DPH6: variants seen among roughly 807,000 people sequenced by gnomAD.
DPH6 encodes the protein diphthamine biosynthesis 6.
In DPH6, 33 loss-of-function variants were observed where a neutral mutation model predicts 38.2. The observed-to-expected ratio is 0.86, with a 90% CI of 0.65 to 1.15. The LOEUF (loss-of-function observed/expected upper bound fraction) is 1.15. Among genes scored for constraint, DPH6 ranks in the 50% most tolerant of loss-of-function variants. The pLI, the probability that DPH6 is intolerant of heterozygous loss-of-function variation, is 0.00. For missense variants in DPH6, 325 were observed against 320.0 expected (o/e 1.02, Z -0.12); for synonymous variants, 108 against 103.0 (o/e 1.05, Z -0.30).
intron 3 of DPH6, among the ~76,000 whole-genome samples, chr15:35,272,724 C>G (rs1214056274): frequency 6.6e-6 from 1 of 152,048 alleles, no homozygotes; most frequent in Admixed American, 6.6e-5. Context: ...GCCTGGCCAA[C>G]ATGGTGAAAC....
intron 3 of DPH6, among the ~76,000 whole-genome samples, chr15:35,277,770 C>T (rs776723154): frequency 1.3e-5 from 2 of 152,142 alleles, no homozygotes; most frequent in Non-Finnish European, 2.9e-5. Flanking sequence ...AAGAACTTGG[C>T]TGCATTGTGT....
At chr15:35,532,266 T>A (rs1390216296) in intron 3 of DPH6, among the ~76,000 whole-genome samples, 1 of 152,194 alleles carries the variant, frequency 6.6e-6, no homozygotes, top group Non-Finnish European at 1.5e-5. Context: ...ATCTTAATCA[T>A]GGGTCATTTA....
At chr15:35,503,853 A>G (rs1301451550) in intron 3 of DPH6, among the ~76,000 whole-genome samples, 1 of 152,116 alleles carries the variant, frequency 6.6e-6, no homozygotes, top group Non-Finnish European at 1.5e-5. Context: ...TAACTTGTCC[A>G]AAGTTACAAA....
chr15:35,391,871 C>A (rs1199746525), intron 6 of DPH6, among the ~76,000 whole-genome samples: 1 of 152,204 alleles, frequency 6.6e-6, no homozygotes, highest in African/African-American at 2.4e-5. Flanking sequence ...TCCGGCACTC[C>A]TCAGTGAGAG....
intron 5 of DPH6, among the ~76,000 whole-genome samples, chr15:35,432,242 G>T (rs1406032444): frequency 6.6e-6 from 1 of 152,156 alleles, no homozygotes; most frequent in Non-Finnish European, 1.5e-5. Context: ...TTTAAAATGG[G>T]TAAAAATGTG....
In DPH6 at chr15:35,460,846, G is replaced by A. The variant is rs538813971; in HGVS notation, c.313-6026C>T. 1.0e-3 allele frequency among the ~76,000 whole-genome samples: 141 copies of A among 135,324 alleles called. 1 individual carries two copies. The highest frequency in any genetic ancestry group is 3.8e-3 in the Admixed American group (44 of 11,576). The allele number at this position is 135,324 out of a possible 152,430, so 88.8% of individuals were successfully genotyped here. A position where few individuals can be genotyped will look rare whatever the true frequency, so the allele number is the denominator to read the frequency against. On this transcript the variant is annotated intron_variant, in intron 3 of 8. Coordinates refer to ENST00000256538, the MANE Select transcript of DPH6 (RefSeq NM_080650.4). ...TCCAGGCAGCTGTCTGACCTATGTCGACAATTTTAACAATAGAGACGGCAC... is the reference window on the plus strand; with the variant it reads ...TCCAGGCAGCTGTCTGACCTATGTCAACAATTTTAACAATAGAGACGGCAC...
At chr15:35,500,287 C>T (rs541564150) in intron 3 of DPH6, among the ~76,000 whole-genome samples, 10 of 152,176 alleles carry the variant, frequency 6.6e-5, no homozygotes, top group African/African-American at 1.9e-4. Context: ...TTTTCACAAG[C>T]GGAATCACGC....
chr15:35,272,235 T>C (rs2051826715), intron 3 of DPH6, among the ~76,000 whole-genome samples: 1 of 152,210 alleles, frequency 6.6e-6, no homozygotes, highest in Non-Finnish European at 1.5e-5. Context: ...ATTTAAAGTA[T>C]ACAAGAGGAT....
chr15:35,373,565 G>A lies in DPH6; in HGVS notation c.706C>T (p.Pro236Ser), dbSNP rs775626252. ...VVIHSADAFA[P>S]VAYLRFLELH... ...TCTAAAAAGCGTAGATAAGCCACAG[G>A]TGCAAATGCATCAGCTGAATGTATG... The change falls in exon 8 of 9, where the codon CCT becomes TCT. Residue 236 changes from proline to serine, a missense_variant. Pro to Ser is a moderately conservative substitution (Grantham distance 74). Coordinates refer to ENST00000256538, the MANE Select transcript of DPH6 (RefSeq NM_080650.4). The A allele has an allele frequency of 5.5e-5, 88 of 1,608,628 alleles. No homozygotes were observed. The South Asian group carries it at 9.4e-4, about 17-fold the overall frequency.
At chr15:35,315,347 T>A (rs1442091260) in intron 3 of DPH6, among the ~76,000 whole-genome samples, 2 of 152,196 alleles carry the variant, frequency 1.3e-5, no homozygotes, top group African/African-American at 2.4e-5. Flanking sequence ...TTTTACACCA[T>A]AGGAATAAAC....
chr15:35,497,370 C>T (rs1235497421), intron 3 of DPH6, among the ~76,000 whole-genome samples: 1 of 152,158 alleles, frequency 6.6e-6, no homozygotes, highest in Non-Finnish European at 1.5e-5. Context: ...AAATTCCTAA[C>T]TAGTTACCCA....
intron 3 of DPH6, among the ~76,000 whole-genome samples, chr15:35,239,873 T>C (rs866027640): frequency 7.1e-6 from 1 of 141,428 alleles, no homozygotes; most frequent in South Asian, 2.5e-4. Context: ...CCCTGACCTC[T>C]TATCTCTGTG....
chr15:35,421,504 T>C (rs2053504595), intron 5 of DPH6, among the ~76,000 whole-genome samples: 2 of 152,218 alleles, frequency 1.3e-5, no homozygotes, highest in Admixed American at 6.5e-5. Flanking sequence ...TAAAAATTAC[T>C]GTAAAGTTTT....
intron 3 of DPH6, among the ~76,000 whole-genome samples, chr15:35,310,642 G>T (rs2052133264): frequency 6.6e-6 from 1 of 152,120 alleles, no homozygotes; most frequent in Non-Finnish European, 1.5e-5. Flanking sequence ...AAATTTCTGT[G>T]TAATAGTACT....
At chr15:35,490,266 T>A in intron 3 of DPH6, 22 of 887,412 alleles carry the variant, frequency 2.5e-5, no homozygotes, top group Non-Finnish European at 3.0e-5. Context: ...GAATTGTCAG[T>A]CATAAAGAGA....
At chr15:35,379,408 C>T (rs1176197693) in intron 7 of DPH6, among the ~76,000 whole-genome samples, 1 of 152,102 alleles carries the variant, frequency 6.6e-6, no homozygotes, top group Non-Finnish European at 1.5e-5. Context: ...TCAAATATAA[C>T]AGAAGTTATA....
At chr15:35,153,183 C>T in the DPH6 span, among the ~76,000 whole-genome samples, 1 of 152,100 alleles carries the variant, frequency 6.6e-6, no homozygotes, top group African/African-American at 2.4e-5. Flanking sequence ...GCTGCTGTCA[C>T]TGTACAAAAA....
intron 3 of DPH6, among the ~76,000 whole-genome samples, chr15:35,496,563 A>AT (rs1555406393): frequency 1.2e-4 from 2 of 16,014 alleles, no homozygotes; most frequent in South Asian, 4.5e-3. Flanking sequence ...CTCAAAAAAA[A>AT]AAAAATATAT....
the DPH6 span, among the ~76,000 whole-genome samples, chr15:35,205,966 T>C: frequency 6.6e-6 from 1 of 152,142 alleles, no homozygotes; most frequent in African/African-American, 2.4e-5. Flanking sequence ...GCAAGCCACC[T>C]TGAGGTACTA....
Sources: allele counts gnomAD v4.1 joint callset (sites outside exome capture counted in the v4.1 genomes callset), GRCh38; gene constraint gnomAD v4.1.1; transcripts MANE v1.5; gene names NCBI Gene and HGNC (gene_info 2026-07-23, HGNC 2026-07-21).